SPOCK1: variants seen among roughly 807,000 people sequenced by gnomAD.
SPOCK1 encodes the protein SPARC (osteonectin), cwcv and kazal like domains proteoglycan 1.
A neutral mutation model predicts 55.3 loss-of-function variants in SPOCK1; 23 were observed. The ratio of observed to expected loss-of-function variants is 0.42; its 90% confidence interval spans 0.30 to 0.59. The LOEUF (loss-of-function observed/expected upper bound fraction) is 0.59, where lower values mean the gene tolerates loss of function less well. Among genes scored for constraint, SPOCK1 ranks in the 20% least tolerant of loss-of-function variants. SPOCK1 has a pLI of 0.22. For synonymous variants in SPOCK1, 226 were observed against 221.0 expected, an observed-to-expected ratio of 1.02 and a Z score of -0.20; for missense variants, 499 against 552.5, an observed-to-expected ratio of 0.90 and a Z score of 0.97.
At chr5:137,334,058 G>A (rs1438349875) in intron 2 of SPOCK1, among the ~76,000 whole-genome samples, 2 of 152,084 alleles carry the variant, frequency 1.3e-5, no homozygotes, top group Non-Finnish European at 2.9e-5. Context: ...ATTCTCTAGG[G>A]GTCTCTGCCA....
chr5:137,089,705 A>G (rs1162183450), intron 5 of SPOCK1, among the ~76,000 whole-genome samples: 1 of 152,228 alleles, frequency 6.6e-6, no homozygotes, highest in Non-Finnish European at 1.5e-5. Context: ...CCAAAGTCCC[A>G]TCAGATGCAT....
At chr5:137,001,452 A>G (rs1263388951) in intron 6 of SPOCK1, among the ~76,000 whole-genome samples, 1 of 152,156 alleles carries the variant, frequency 6.6e-6, no homozygotes, top group Non-Finnish European at 1.5e-5. Context: ...ACGGATGGTA[A>G]ACGGCAAAAC....
chr5:137,224,382 T>C (rs948807757), intron 3 of SPOCK1, among the ~76,000 whole-genome samples: 2 of 152,226 alleles, frequency 1.3e-5, no homozygotes, highest in Non-Finnish European at 2.9e-5. Context: ...TTTACATTTA[T>C]TCCTTGGAGT....
At chr5:137,244,339 C>G (rs1756354818) in intron 3 of SPOCK1, among the ~76,000 whole-genome samples, 1 of 152,198 alleles carries the variant, frequency 6.6e-6, no homozygotes, top group Non-Finnish European at 1.5e-5. Context: ...GGGAAACCCA[C>G]TGTCTTTAAG....
At chr5:137,214,488 C>T (rs568876576) in intron 3 of SPOCK1, among the ~76,000 whole-genome samples, 1 of 152,338 alleles carries the variant, frequency 6.6e-6, no homozygotes, top group East Asian at 1.9e-4. Flanking sequence ...TGTTTATCTG[C>T]TTCACCAGTA....
chr5:137,086,052 CAT>C, intron 5 of SPOCK1, among the ~76,000 whole-genome samples: 1 of 152,282 alleles, frequency 6.6e-6, no homozygotes, highest in South Asian at 2.1e-4. Flanking sequence ...TTAAAATGCT[CAT>C]AGAGTATTTA....
At chr5:137,394,233 G>A (rs1751791661) in intron 2 of SPOCK1, among the ~76,000 whole-genome samples, 1 of 151,922 alleles carries the variant, frequency 6.6e-6, no homozygotes, top group South Asian at 2.1e-4. Context: ...ACAGTTTACT[G>A]GTGGATCTTT....
In SPOCK1 at chr5:137,089,151, C is replaced by T. The variant is rs112321937; in HGVS notation, c.475-21322G>A. The stretch of plus-strand genomic sequence containing the variant: ...GGGGGCTTGTGCCTGGTGGGGCCTA[C>T]ACAGTGCCACCTTCCTGGCTTCCCA... On this transcript the variant is annotated intron_variant, in intron 5 of 10. Transcript: ENST00000394945. 3.9e-5 allele frequency among the ~76,000 whole-genome samples: 6 copies of T among 152,150 alleles called. No individual in the cohort carries two copies. The East Asian group carries it at 1.2e-3, about 29-fold the overall frequency.
rs143403733 is a variant in SPOCK1, at chr5:137,314,984, G to C, written c.187-47929C>G. ...GAGTTGTCTTCAGGAACATTTGAAAGAGTGGCTGTATGCACCAAAGTCAGC... is the reference window on the plus strand; with the variant it reads ...GAGTTGTCTTCAGGAACATTTGAAACAGTGGCTGTATGCACCAAAGTCAGC... On this transcript the variant is annotated intron_variant, in intron 2 of 10. Coordinates refer to ENST00000394945, the MANE Select transcript of SPOCK1 (RefSeq NM_004598.4). Among the ~76,000 whole-genome samples, 400 of 152,302 alleles carry C rather than the reference G, an allele frequency of 2.6e-3. 1 individual carries two copies. The highest frequency in any genetic ancestry group is 9.0e-3 in the African/African-American group (376 of 41,556).
At chr5:137,134,020 C>T (rs1331599993) in intron 4 of SPOCK1, among the ~76,000 whole-genome samples, 1 of 152,108 alleles carries the variant, frequency 6.6e-6, no homozygotes, top group East Asian at 1.9e-4. Context: ...CCCCTGGGAG[C>T]TTGCCCCATG....
intron 3 of SPOCK1, among the ~76,000 whole-genome samples, chr5:137,260,988 G>A (rs1326486206): frequency 2.0e-5 from 3 of 152,130 alleles, no homozygotes; most frequent in Non-Finnish European, 4.4e-5. Flanking sequence ...GCAAAGGTGA[G>A]AGGGAGAAAC....
intron 2 of SPOCK1, among the ~76,000 whole-genome samples, chr5:137,446,310 T>C (rs770424278): frequency 1.2e-4 from 19 of 152,294 alleles, no homozygotes; most frequent in Non-Finnish European, 2.6e-4. Context: ...CCAAACCTAA[T>C]GATGCAACTA....
intron 2 of SPOCK1, among the ~76,000 whole-genome samples, chr5:137,440,873 T>G (rs1472380775): frequency 6.6e-6 from 1 of 152,240 alleles, no homozygotes; most frequent in East Asian, 1.9e-4. Flanking sequence ...TAATGTCTAT[T>G]GACCCAGATC....
At chr5:137,018,967 A>C (rs1020319603) in intron 6 of SPOCK1, among the ~76,000 whole-genome samples, 3 of 152,210 alleles carry the variant, frequency 2.0e-5, no homozygotes, top group African/African-American at 4.8e-5. Flanking sequence ...CTCTAGAGTG[A>C]GAAGAAATAC....
At chr5:137,160,578 A>T (rs745849097) in intron 3 of SPOCK1, among the ~76,000 whole-genome samples, 2,520 of 45,750 alleles carry the variant, frequency 0.055, 120 homozygotes, top group African/African-American at 0.1. Context: ...ATATTATATA[A>T]TATATATAAT....
intron 2 of SPOCK1, among the ~76,000 whole-genome samples, chr5:137,460,679 T>A (rs565228348): frequency 6.6e-6 from 1 of 152,266 alleles, no homozygotes; most frequent in East Asian, 1.9e-4. Flanking sequence ...ACTTGATGAG[T>A]AGAGAAGGTG....
At chr5:137,373,522 T>G (rs1751246353) in intron 2 of SPOCK1, among the ~76,000 whole-genome samples, 1 of 152,168 alleles carries the variant, frequency 6.6e-6, no homozygotes, top group South Asian at 2.1e-4. Context: ...AGAATCCTGG[T>G]GAAGGGCCAA....
chr5:137,217,899 A>ACTC (rs773927406), intron 3 of SPOCK1, among the ~76,000 whole-genome samples: 12 of 151,786 alleles, frequency 7.9e-5, no homozygotes, highest in Non-Finnish European at 1.8e-4. Context: ...CTCCAACCCT[A>ACTC]CTCCTATCCA....
chr5:137,304,115 C>G (rs1207818687), intron 2 of SPOCK1, among the ~76,000 whole-genome samples: 1 of 150,464 alleles, frequency 6.6e-6, no homozygotes, highest in East Asian at 2.0e-4. Flanking sequence ...CTACTCATTA[C>G]AGAAGAATCA....
Sources: allele counts gnomAD v4.1 joint callset (sites outside exome capture counted in the v4.1 genomes callset), GRCh38; gene constraint gnomAD v4.1.1; transcripts MANE v1.5; gene names NCBI Gene and HGNC (gene_info 2026-07-23, HGNC 2026-07-21).